Variants in USP34 observed in about 807,000 individuals in gnomAD.
The protein encoded by USP34 is ubiquitin specific peptidase 34.
In USP34, 70 loss-of-function variants were observed where a neutral mutation model predicts 460.3. The ratio of observed to expected loss-of-function variants is 0.15; its 90% confidence interval spans 0.13 to 0.19. The LOEUF is 0.19. USP34 is among the 10% of genes least tolerant of loss of function. The pLI is 1.00. For missense variants in USP34, 3,985 were observed against 4,236.2 expected (o/e 0.94, Z 1.65); for synonymous variants, 1,647 against 1,405.3 (o/e 1.17, Z -3.85).
At chr2:61,455,897 G>A (rs1695423766) in intron 1 of USP34, among the ~76,000 whole-genome samples, 1 of 152,096 alleles carries the variant, frequency 6.6e-6, no homozygotes, top group African/African-American at 2.4e-5. Context: ...AGAGGTAAGG[G>A]AACTTAGCCA....
intron 8 of USP34, among the ~76,000 whole-genome samples, chr2:61,372,146 T>C (rs567895599): frequency 1.5e-4 from 23 of 152,246 alleles, no homozygotes; most frequent in Middle Eastern, 3.4e-3. Context: ...ACTGGAAAGA[T>C]TAAGTAATTT....
chr2:61,444,375 G>T (rs1435407213), intron 1 of USP34, among the ~76,000 whole-genome samples: 4 of 151,972 alleles, frequency 2.6e-5, no homozygotes, highest in Non-Finnish European at 1.5e-5. Context: ...AAAGGAAGAT[G>T]GGTCAAAGAA....
At chr2:61,212,789 G>A (rs1687305436) in intron 68 of USP34, among the ~76,000 whole-genome samples, 1 of 151,880 alleles carries the variant, frequency 6.6e-6, no homozygotes, top group East Asian at 1.9e-4. Flanking sequence ...TAAATAACAT[G>A]GAGGGATAAA....
intron 1 of USP34, among the ~76,000 whole-genome samples, chr2:61,454,870 CTT>C (rs935894179): frequency 8.3e-5 from 3 of 36,286 alleles, no homozygotes; most frequent in African/African-American, 1.3e-4. Context: ...TTTTTTTTTT[CTT>C]TTTTTTTTTT....
chr2:61,270,149 A>C (rs1318670260), intron 41 of USP34, among the ~76,000 whole-genome samples: 1 of 152,212 alleles, frequency 6.6e-6, no homozygotes, highest in African/African-American at 2.4e-5. Flanking sequence ...CTAACCACCA[A>C]TGTGATGGTA....
At chr2:61,399,935 C>G (rs1043980144) in intron 3 of USP34, among the ~76,000 whole-genome samples, 1 of 145,010 alleles carries the variant, frequency 6.9e-6, no homozygotes. Flanking sequence ...TTTAGGTAAT[C>G]GCTGAGAAAG....
chr2:61,245,398 G>C (rs899483875), intron 50 of USP34, 110 bp from the exon 51 acceptor site: 7 of 539,558 alleles, frequency 1.3e-5, no homozygotes, highest in Non-Finnish European at 2.1e-5. Flanking sequence ...TATTTCATGA[G>C]GTAAATTCTA....
chr2:61,373,482 A>T (rs1006494001), intron 8 of USP34, among the ~76,000 whole-genome samples: 1 of 152,166 alleles, frequency 6.6e-6, no homozygotes. Flanking sequence ...CAATAAGCTT[A>T]AGAAAGGTTC....
chr2:61,348,122 T>G lies in USP34; in HGVS notation c.2033A>C (p.Asn678Thr). The change falls in exon 15 of 80, where the codon AAC becomes ACC. Residue 678 changes from asparagine (N) to threonine (T), a missense_variant. By Grantham distance (65) the Asn-to-Thr change is moderately conservative (BLOSUM62 0). This residue lies in a region of USP34 where 716 missense variants were observed against 626.2 expected (regional missense o/e 1.14). Transcript: ENST00000398571. ...SSGTGKDLVFNTESLPSVDNR... is the reference protein window; with the variant it reads ...SSGTGKDLVFTTESLPSVDNR... Reference sequence around the variant, plus strand: ...ATCTACTGATGGCAATGATTCAGTGTTAAAAACCAGGTCCTTTCCTGTTCC... The same window carrying G: ...ATCTACTGATGGCAATGATTCAGTGGTAAAAACCAGGTCCTTTCCTGTTCC... 6.2e-7 allele frequency: 1 copy of G among 1,614,194 alleles called. No homozygotes were observed. Among genetic ancestry groups the G allele is most frequent in the Non-Finnish European group, 8.5e-7 (1 of 1,180,016 alleles).
chr2:61,369,983 TAAAAAAAAA>T (rs35212285), intron 10 of USP34, among the ~76,000 whole-genome samples: 1 of 127,764 alleles, frequency 7.8e-6, no homozygotes, highest in Non-Finnish European at 1.7e-5. Context: ...TATGCCTATT[TAAAAAAAAA>T]AAAAAAAAAA....
At chr2:61,400,063 A>C (rs1693666175) in intron 3 of USP34, among the ~76,000 whole-genome samples, 1 of 127,346 alleles carries the variant, frequency 7.9e-6, no homozygotes, top group Admixed American at 8.4e-5. Flanking sequence ...GGTTATTTTA[A>C]AAGAGAAAAC....
chr2:61,413,247 A>G (rs1441285961), intron 2 of USP34, among the ~76,000 whole-genome samples: 1 of 152,094 alleles, frequency 6.6e-6, no homozygotes, highest in Non-Finnish European at 1.5e-5. Context: ...TACAAAAATT[A>G]GCTGGGTGTG....
intron 39 of USP34, among the ~76,000 whole-genome samples, chr2:61,279,911 C>T (rs1360794524): frequency 6.6e-6 from 1 of 152,146 alleles, no homozygotes. Flanking sequence ...ATTTGGGACT[C>T]CAAACTACAT....
At chr2:61,328,074 G>A (rs1691149460) in intron 20 of USP34, among the ~76,000 whole-genome samples, 1 of 152,022 alleles carries the variant, frequency 6.6e-6, no homozygotes, top group African/African-American at 2.4e-5. Flanking sequence ...AGGCGGAGGC[G>A]GGTGGATCGC....
chr2:61,405,871 C>T lies in USP34; in HGVS notation c.389G>A (p.Arg130Lys). ...KSIEKKSNST[R>K]ICNLTEEESS... The stretch of plus-strand genomic sequence containing the variant: ...TTCCTCCTCAGTCAGATTACAAATT[C>T]TTGTAGAGTTTGATTTTTTTTCTAT... Residue 130 changes from arginine to lysine, a missense_variant, in exon 3 of 80, where the codon AGA becomes AAA. By Grantham distance (26) the Arg-to-Lys change is conservative. This residue lies in a region of USP34 where 331 missense variants were observed against 293.7 expected (regional missense o/e 1.13). Transcript: ENST00000398571. The T allele has an allele frequency of 6.2e-7, 1 of 1,613,746 alleles. No individual in the cohort carries two copies.
At position 61,265,505 on chromosome 2, in the gene USP34, T is replaced by A; in HGVS notation, c.5670A>T (p.Glu1890Asp). Reference protein sequence around the residue: ...DYWPHEDVRAECRFVGLTNLG... With the variant: ...DYWPHEDVRADCRFVGLTNLG... ...GGTTAGTAAGGCCAACAAATCTACA[T>A]TCAGCACGGACATCTTCATGAGGCC... The change falls in exon 43 of 80, where the codon GAA (glutamate) becomes GAT (aspartate). Residue 1890 changes from glutamate to aspartate, a missense_variant. Physicochemically the swap from Glu to Asp is conservative, Grantham distance 45 (BLOSUM62 2). Coordinates refer to ENST00000398571, the MANE Select transcript of USP34 (RefSeq NM_014709.4). The A allele has an allele frequency of 6.2e-7, 1 of 1,613,520 alleles. No homozygotes were observed. The highest frequency in any genetic ancestry group is 8.5e-7 in the Non-Finnish European group (1 of 1,179,744).
At chr2:61,394,009 T>TA (rs938718986) in intron 5 of USP34, among the ~76,000 whole-genome samples, 21 of 152,056 alleles carry the variant, frequency 1.4e-4, no homozygotes, top group African/African-American at 5.1e-4. Flanking sequence ...TAGTCCCAGC[T>TA]ACTTGGGAGG....
At chr2:61,202,572 C>G (rs1687006657) in intron 75 of USP34, among the ~76,000 whole-genome samples, 1 of 152,066 alleles carries the variant, frequency 6.6e-6, no homozygotes, top group Non-Finnish European at 1.5e-5. Flanking sequence ...ATATTCGAGA[C>G]CCCCCGCCAC....
At chr2:61,295,829 T>C (rs147640500) in intron 30 of USP34, among the ~76,000 whole-genome samples, 121 of 152,352 alleles carry the variant, frequency 7.9e-4, no homozygotes, top group African/African-American at 2.3e-3. Flanking sequence ...TTGTGAGATA[T>C]TGGCTCTCCC....
Sources: allele counts gnomAD v4.1 joint callset (sites outside exome capture counted in the v4.1 genomes callset), GRCh38; gene constraint gnomAD v4.1.1; regional missense constraint gnomAD v4.1.1; transcripts MANE v1.5; gene names NCBI Gene and HGNC (gene_info 2026-07-23, HGNC 2026-07-21).